Variants in DLEU7 observed in about 807,000 individuals in gnomAD.
DLEU7 encodes deleted in lymphocytic leukemia 7, also known as leukemia-associated protein 7.
DLEU7 carries 17 observed loss-of-function variants against 16.0 expected under a neutral mutation model. That is an observed-to-expected ratio of 1.06 (90% CI 0.73 to 1.59). The LOEUF (loss-of-function observed/expected upper bound fraction) is 1.59, where lower values mean the gene tolerates loss of function less well. DLEU7 is among the 40% of genes most tolerant of loss of function. The probability of loss-of-function intolerance (pLI) is 0.00; values close to 1 mark genes in which losing one functional copy is unlikely to be tolerated. For synonymous variants in DLEU7, 113 were observed against 139.8 expected (o/e 0.81, Z 1.35); for missense variants, 308 against 314.9 (o/e 0.98, Z 0.17).
chr13:50,729,060 G>A (rs1593530740), intron 1 of DLEU7, among the ~76,000 whole-genome samples: 1 of 138,282 alleles, frequency 7.2e-6, no homozygotes, highest in Non-Finnish European at 1.7e-5. Context: ...AGAGAGACAT[G>A]TGCAGGTTTG....
chr13:50,827,721 T>C (rs986143504), intron 1 of DLEU7, among the ~76,000 whole-genome samples: 6 of 151,958 alleles, frequency 3.9e-5, no homozygotes, highest in African/African-American at 1.5e-4. Flanking sequence ...TGACCTTATG[T>C]ATATAGAAAG....
intron 1 of DLEU7, among the ~76,000 whole-genome samples, chr13:50,750,883 C>G (rs1242188147): frequency 6.6e-6 from 1 of 152,156 alleles, no homozygotes; most frequent in African/African-American, 2.4e-5. Flanking sequence ...CATCAGCAAA[C>G]AGGACAGTCT....
At position 50,843,148 on chromosome 13, in the gene DLEU7, T is replaced by C. The variant is rs745995010; in HGVS notation, c.459+40A>G. On this transcript the variant is annotated intron_variant, in intron 1 of 1. Coordinates refer to ENST00000504404, the MANE Select transcript of DLEU7 (RefSeq NM_001306135.2). The surrounding 1 kb of genome is among the most constrained non-coding windows in gnomAD (Gnocchi z 5.7). ...GCCCCACCCTTGGAGGATGGGAGGT[T>C]ACCCTGCACGCCAGAGGGGATGGCG... The C allele has an allele frequency of 6.4e-7, 1 of 1,555,768 alleles. No homozygotes were observed. Among genetic ancestry groups the C allele is most frequent in the Non-Finnish European group, 8.7e-7 (1 of 1,152,206 alleles).
chr13:50,744,546 C>T (rs539327532), intron 1 of DLEU7, among the ~76,000 whole-genome samples: 9 of 152,040 alleles, frequency 5.9e-5, no homozygotes, highest in African/African-American at 1.2e-4. Flanking sequence ...TGTGGGTGAA[C>T]GCTTTAGACA....
intron 1 of DLEU7, among the ~76,000 whole-genome samples, chr13:50,796,664 T>C (rs945745602): frequency 6.6e-6 from 1 of 152,140 alleles, no homozygotes; most frequent in Non-Finnish European, 1.5e-5. Flanking sequence ...CACTCAGTCA[T>C]GTGACTGAGC....
intron 1 of DLEU7, among the ~76,000 whole-genome samples, chr13:50,802,244 A>G (rs1163546928): frequency 2.0e-5 from 3 of 152,084 alleles, no homozygotes; most frequent in African/African-American, 4.8e-5. Context: ...GTTGATTTCA[A>G]TAGAAACCCA....
At chr13:50,831,810 A>G (rs1397716319) in intron 1 of DLEU7, among the ~76,000 whole-genome samples, 1 of 152,178 alleles carries the variant, frequency 6.6e-6, no homozygotes, top group East Asian at 1.9e-4. Context: ...ACAGAGTTAA[A>G]ATTAACTTCT....
At chr13:50,808,573 G>A (rs955437313) in intron 1 of DLEU7, 7 of 152,114 alleles carry the variant, frequency 4.6e-5, no homozygotes, top group African/African-American at 1.7e-4. Context: ...GATATGTGTT[G>A]AGTGAATGGA....
chr13:50,712,945 C>G (rs1873336088), exon 2 of DLEU7: 1 of 431,314 alleles, frequency 2.3e-6, no homozygotes, highest in Non-Finnish European at 4.1e-6. Context: ...GGAAGCGGCT[C>G]TAATTGGAGC....
chr13:50,760,018 C>T (rs1368697224), intron 1 of DLEU7, among the ~76,000 whole-genome samples: 1 of 152,166 alleles, frequency 6.6e-6, no homozygotes, highest in Non-Finnish European at 1.5e-5. Context: ...TAGCAAATTG[C>T]TAAATATGAG....
Position 50,770,701 on chromosome 13 carries a change from G to A in DLEU7, c.460-57461C>T, listed in dbSNP as rs181530171. ...GTATTTTATTGAGGATTTTCGCATC[G>A]ATGTTCATCAGGGATATTGGTCTAA... On this transcript the variant is annotated intron_variant, in intron 1 of 1. Transcript: ENST00000400393. Among the ~76,000 whole-genome samples the A allele has an allele frequency of 5.2e-3, 785 of 152,218 alleles. 5 individuals are homozygous for A. The highest frequency in any genetic ancestry group is 0.018 in the African/African-American group (750 of 41,538).
intron 1 of DLEU7, among the ~76,000 whole-genome samples, chr13:50,773,017 G>A (rs9596354): frequency 0.016 from 2,468 of 151,850 alleles, 69 homozygotes; most frequent in African/African-American, 0.057. Context: ...TCATTAATTT[G>A]TTCTACAGTC....
intron 1 of DLEU7, among the ~76,000 whole-genome samples, chr13:50,838,733 T>A (rs535793290): frequency 6.6e-6 from 1 of 152,170 alleles, no homozygotes; most frequent in Non-Finnish European, 1.5e-5. Context: ...TGTGACTGTA[T>A]TTGGAGATAT....
At chr13:50,804,072 A>G (rs1027859473) in intron 1 of DLEU7, among the ~76,000 whole-genome samples, 1 of 152,136 alleles carries the variant, frequency 6.6e-6, no homozygotes, top group Non-Finnish European at 1.5e-5. Context: ...TAGAATGAAC[A>G]ACATTTATTA....
intron 1 of DLEU7, among the ~76,000 whole-genome samples, chr13:50,719,881 G>A (rs1873547154): frequency 6.6e-6 from 1 of 152,154 alleles, no homozygotes; most frequent in Admixed American, 6.5e-5. Context: ...CTATTCCTTT[G>A]GAGCTGATGG....
intron 1 of DLEU7, among the ~76,000 whole-genome samples, chr13:50,793,209 T>C (rs983873065): frequency 1.3e-5 from 2 of 152,176 alleles, no homozygotes; most frequent in African/African-American, 2.4e-5. Context: ...GGACATGATG[T>C]CATTCTTTTT....
At chr13:50,727,214 C>CGT (rs3990136) in intron 1 of DLEU7, among the ~76,000 whole-genome samples, 19,281 of 150,034 alleles carry the variant, frequency 0.13, 1,664 homozygotes, top group African/African-American at 0.23. Context: ...CTCTTGCATA[C>CGT]GTGTGTGTGT....
intron 1 of DLEU7, among the ~76,000 whole-genome samples, chr13:50,724,339 T>G (rs1236891108): frequency 6.6e-6 from 1 of 152,214 alleles, no homozygotes; most frequent in East Asian, 1.9e-4. Context: ...TACTTTTTTC[T>G]TTTGTGAATG....
chr13:50,841,236 C>T (rs1877648503), intron 1 of DLEU7, among the ~76,000 whole-genome samples: 1 of 152,194 alleles, frequency 6.6e-6, no homozygotes, highest in Non-Finnish European at 1.5e-5. Flanking sequence ...CTTTCCCTAA[C>T]TGGCCCCCAT....
Sources: allele counts gnomAD v4.1 joint callset (sites outside exome capture counted in the v4.1 genomes callset), GRCh38; gene constraint gnomAD v4.1.1; non-coding constraint Gnocchi (gnomAD v3.1); transcripts MANE v1.5; gene names NCBI Gene and HGNC (gene_info 2026-07-23, HGNC 2026-07-21).